SHISA9: variants seen among roughly 807,000 people sequenced by gnomAD.
SHISA9 encodes the protein protein shisa-9.
A neutral mutation model predicts 38.0 loss-of-function variants in SHISA9; 13 were observed. The ratio of observed to expected loss-of-function variants is 0.34; its 90% CI spans 0.22 to 0.54. The LOEUF is 0.54. Ranked by LOEUF, SHISA9 falls within the 20% of genes least tolerant of loss-of-function variation. The pLI is 0.91. For synonymous variants in SHISA9, 275 were observed against 242.0 expected (o/e 1.14, Z -1.27); for missense variants, 538 against 575.8 (o/e 0.93, Z 0.67).
the SHISA9 span, among the ~76,000 whole-genome samples, chr16:13,386,443 C>T: frequency 1.3e-5 from 2 of 152,136 alleles, no homozygotes; most frequent in African/African-American, 2.4e-5. Flanking sequence ...ATTCTGATTC[C>T]ACCACTCAGT....
intron 2 of SHISA9, among the ~76,000 whole-genome samples, chr16:13,153,587 A>G (rs2050518052): frequency 6.6e-6 from 1 of 152,162 alleles, no homozygotes; most frequent in Admixed American, 6.5e-5. Flanking sequence ...ACTGCCTCCC[A>G]CAGGGTCTTC....
intron 2 of SHISA9, among the ~76,000 whole-genome samples, chr16:12,953,346 A>G (rs2071785429): frequency 6.6e-6 from 1 of 152,172 alleles, no homozygotes; most frequent in Non-Finnish European, 1.5e-5. Context: ...CTTCATGACA[A>G]TGCAATGTGG....
intron 2 of SHISA9, among the ~76,000 whole-genome samples, chr16:12,970,380 T>TAC (rs1567356943): frequency 1.5e-5 from 1 of 67,928 alleles, no homozygotes; most frequent in East Asian, 3.6e-4. Flanking sequence ...CATATATATA[T>TAC]ACATATATGT....
chr16:13,339,669 G>A, the SHISA9 span, among the ~76,000 whole-genome samples: 11 of 152,124 alleles, frequency 7.2e-5, no homozygotes, highest in African/African-American at 2.4e-4. Flanking sequence ...GGGAGAAAGA[G>A]AGAGAGTATA....
chr16:13,354,320 C>T, the SHISA9 span, among the ~76,000 whole-genome samples: 371 of 64,146 alleles, frequency 5.8e-3, 84 homozygotes, highest in Non-Finnish European at 9.3e-3. Context: ...GGTGGAACCG[C>T]CATCAATAAA....
At chr16:13,240,570 A>T (rs2051427269), downstream of SHISA9, among the ~76,000 whole-genome samples, 1 of 152,224 alleles carries the variant, frequency 6.6e-6, no homozygotes, top group South Asian at 2.1e-4. Context: ...GTTAACAGCA[A>T]CATATACACA....
At chr16:13,266,865 A>G in the SHISA9 span, among the ~76,000 whole-genome samples, 1 of 152,222 alleles carries the variant, frequency 6.6e-6, no homozygotes, top group African/African-American at 2.4e-5. Flanking sequence ...GGGATTATTT[A>G]GTACCCACTG....
intron 1 of SHISA9, among the ~76,000 whole-genome samples, chr16:12,904,232 G>T (rs1035785452): frequency 6.6e-6 from 1 of 152,192 alleles, no homozygotes; most frequent in Non-Finnish European, 1.5e-5. Flanking sequence ...GAGGCAGCGG[G>T]TGTCGCCTTG....
chr16:13,435,168 C>T, the SHISA9 span, among the ~76,000 whole-genome samples: 1 of 152,040 alleles, frequency 6.6e-6, no homozygotes, highest in African/African-American at 2.4e-5. Context: ...TGTAGTAAAG[C>T]CTCTATCATT....
intron 2 of SHISA9, among the ~76,000 whole-genome samples, chr16:13,015,844 CTT>C (rs1300951827): frequency 6.9e-6 from 1 of 143,920 alleles, no homozygotes; most frequent in East Asian, 2.0e-4. Context: ...TCTTTTCTTT[CTT>C]TCTTTCCCTT....
At chr16:13,412,743 G>A in the SHISA9 span, among the ~76,000 whole-genome samples, 1 of 151,596 alleles carries the variant, frequency 6.6e-6, no homozygotes, top group Non-Finnish European at 1.5e-5. Context: ...GGTAGTTCCA[G>A]GTACTTGGGA....
At chr16:13,155,436 T>G (rs538635531) in intron 2 of SHISA9, among the ~76,000 whole-genome samples, 44 of 152,338 alleles carry the variant, frequency 2.9e-4, no homozygotes, top group African/African-American at 1.0e-3. Context: ...GGACTATTTT[T>G]GCTGCTCTTA....
At chr16:13,274,676 A>T in the SHISA9 span, among the ~76,000 whole-genome samples, 1 of 152,130 alleles carries the variant, frequency 6.6e-6, no homozygotes, top group African/African-American at 2.4e-5. Flanking sequence ...GATTATGTCA[A>T]GTGGCCCAAA....
the SHISA9 span, among the ~76,000 whole-genome samples, chr16:13,316,994 C>T: frequency 8.9e-4 from 135 of 152,342 alleles, no homozygotes; most frequent in East Asian, 0.013. Context: ...CCTTCTCTCC[C>T]TTTCCTCAGC....
intron 2 of SHISA9, among the ~76,000 whole-genome samples, chr16:13,070,725 C>G (rs1040719181): frequency 1.3e-5 from 2 of 152,134 alleles, no homozygotes; most frequent in African/African-American, 4.8e-5. Flanking sequence ...CAAACCTATG[C>G]AGTTGGTGTT....
At chr16:13,521,919 C>G in the SHISA9 span, among the ~76,000 whole-genome samples, 3 of 152,162 alleles carry the variant, frequency 2.0e-5, no homozygotes, top group South Asian at 2.1e-4. Context: ...TAAGAAATAG[C>G]TCCTCCTGAA....
intron 4 of SHISA9, among the ~76,000 whole-genome samples, chr16:13,233,133 T>C (rs569839808): frequency 6.6e-6 from 1 of 152,302 alleles, no homozygotes; most frequent in South Asian, 2.1e-4. Flanking sequence ...TCACGATATA[T>C]AGCGTTAAAT....
chr16:13,075,953 G>T (rs538147193), intron 2 of SHISA9, among the ~76,000 whole-genome samples: 3 of 152,042 alleles, frequency 2.0e-5, no homozygotes, highest in South Asian at 2.1e-4. Flanking sequence ...ACCCCAGCTC[G>T]GTTGTGACAA....
chr16:13,501,323 G>A, the SHISA9 span, among the ~76,000 whole-genome samples: 1,313 of 152,212 alleles, frequency 8.6e-3, 10 homozygotes, highest in Non-Finnish European at 0.014. Context: ...TGATCTAGAG[G>A]TGAACATATG....
Sources: allele counts gnomAD v4.1 joint callset (sites outside exome capture counted in the v4.1 genomes callset), GRCh38; gene constraint gnomAD v4.1.1; transcripts MANE v1.5; gene names NCBI Gene and HGNC (gene_info 2026-07-23, HGNC 2026-07-21).